Variants in PRR16 observed in about 807,000 individuals in gnomAD.
PRR16 encodes protein Largen.
In PRR16, 6 loss-of-function variants were observed where a neutral mutation model predicts 18.2. The observed-to-expected ratio is 0.33, with a 90% CI of 0.18 to 0.65. The LOEUF is 0.65. Among genes scored for constraint, PRR16 ranks in the 30% least tolerant of loss-of-function variants. The pLI, the probability that PRR16 is intolerant of heterozygous loss-of-function variation, is 0.74. For synonymous variants in PRR16, 151 were observed against 147.8 expected, an observed-to-expected ratio of 1.02 and a Z score of -0.16; for missense variants, 412 against 376.6, an observed-to-expected ratio of 1.09 and a Z score of -0.78.
chr5:120,642,462 C>T lies in PRR16; in HGVS notation c.160-43492C>T, dbSNP rs547402216. ...TCTTGCTGGATAACACAAGGTACCTCAGTGCATCTGCAGGGAAGAACAGAA... is the reference window on the plus strand; with the variant it reads ...TCTTGCTGGATAACACAAGGTACCTTAGTGCATCTGCAGGGAAGAACAGAA... On this transcript the variant is annotated intron_variant, in intron 1 of 1. Coordinates refer to ENST00000407149, the MANE Select transcript of PRR16 (RefSeq NM_001300783.2). Among the ~76,000 whole-genome samples, 5 of 152,006 alleles carry T rather than the reference C, an allele frequency of 3.3e-5. No individual in the cohort carries two copies. The East Asian group carries it at 9.7e-4, about 29-fold the overall frequency.
At chr5:120,641,542 T>C (rs1188602645) in intron 1 of PRR16, among the ~76,000 whole-genome samples, 1 of 152,088 alleles carries the variant, frequency 6.6e-6, no homozygotes, top group Non-Finnish European at 1.5e-5. Context: ...CACACTGCCC[T>C]GCATGAAGTG....
intron 1 of PRR16, among the ~76,000 whole-genome samples, chr5:120,614,594 G>A (rs1754445662): frequency 6.6e-6 from 1 of 152,164 alleles, no homozygotes; most frequent in East Asian, 1.9e-4. Context: ...GATTAGCCTT[G>A]TCTGAGACTG....
intron 1 of PRR16, among the ~76,000 whole-genome samples, chr5:120,523,115 G>C (rs1302768580): frequency 7.0e-6 from 1 of 143,394 alleles, no homozygotes; most frequent in African/African-American, 2.7e-5. Context: ...TAACTGGAAT[G>C]ATTTGCTTTT....
At chr5:120,776,801 G>C in the PRR16 span, among the ~76,000 whole-genome samples, 1 of 149,126 alleles carries the variant, frequency 6.7e-6, no homozygotes, top group Admixed American at 6.7e-5. Flanking sequence ...ATAATGAATT[G>C]TAAAATACAT....
At chr5:120,636,863 T>C (rs1755244428) in intron 1 of PRR16, among the ~76,000 whole-genome samples, 1 of 150,934 alleles carries the variant, frequency 6.6e-6, no homozygotes. Context: ...ACCCACAGAG[T>C]GAGAGAAAAA....
intron 1 of PRR16, among the ~76,000 whole-genome samples, chr5:120,684,366 G>A (rs1221809896): frequency 6.6e-6 from 1 of 152,108 alleles, no homozygotes; most frequent in African/African-American, 2.4e-5. Flanking sequence ...TCTATATCCT[G>A]TCCAACGTCT....
the PRR16 span, among the ~76,000 whole-genome samples, chr5:120,778,318 A>T: frequency 6.6e-6 from 1 of 152,178 alleles, no homozygotes; most frequent in Non-Finnish European, 1.5e-5. Context: ...GATTTTATTA[A>T]TGTTGCACTT....
At chr5:120,785,852 A>C in the PRR16 span, among the ~76,000 whole-genome samples, 4 of 151,358 alleles carry the variant, frequency 2.6e-5, no homozygotes, top group African/African-American at 9.7e-5. Flanking sequence ...TACAGATGTG[A>C]GCTACCGCGC....
chr5:120,737,622 C>G, the PRR16 span, among the ~76,000 whole-genome samples: 9 of 150,362 alleles, frequency 6.0e-5, no homozygotes, highest in African/African-American at 1.9e-4. Context: ...ACTGCTCCCT[C>G]TCTTAGTTTT....
intron 1 of PRR16, among the ~76,000 whole-genome samples, chr5:120,522,806 C>A (rs1751229213): frequency 6.6e-6 from 1 of 151,984 alleles, no homozygotes; most frequent in Non-Finnish European, 1.5e-5. Flanking sequence ...TTAGTAGAGG[C>A]AGGGTTTCAC....
At chr5:120,740,771 A>G in the PRR16 span, among the ~76,000 whole-genome samples, 1 of 152,192 alleles carries the variant, frequency 6.6e-6, no homozygotes, top group Non-Finnish European at 1.5e-5. Flanking sequence ...TACCTTGAAC[A>G]TTTAGATTAA....
At chr5:120,656,560 T>C (rs1755985366) in intron 1 of PRR16, among the ~76,000 whole-genome samples, 1 of 150,870 alleles carries the variant, frequency 6.6e-6, no homozygotes, top group East Asian at 1.9e-4. Flanking sequence ...ATATCTAAAA[T>C]CCAGTATAAT....
intron 1 of PRR16, among the ~76,000 whole-genome samples, chr5:120,646,604 A>G (rs1222826500): frequency 1.3e-5 from 2 of 151,988 alleles, no homozygotes; most frequent in Non-Finnish European, 2.9e-5. Flanking sequence ...TCAGAGTTGG[A>G]TGGTGATTGA....
At chr5:120,565,630 C>G (rs1752712510) in intron 1 of PRR16, among the ~76,000 whole-genome samples, 1 of 152,162 alleles carries the variant, frequency 6.6e-6, no homozygotes, top group African/African-American at 2.4e-5. Flanking sequence ...AGATCTCTAG[C>G]AAATCTCTAC....
chr5:120,645,337 TACAC>T (rs111616442), intron 1 of PRR16, among the ~76,000 whole-genome samples: 5 of 149,770 alleles, frequency 3.3e-5, no homozygotes, highest in Admixed American at 6.7e-5. Context: ...GACACATGCA[TACAC>T]ACACACACAC....
chr5:120,488,306 A>G (rs1333770089), intron 1 of PRR16, among the ~76,000 whole-genome samples: 1 of 152,142 alleles, frequency 6.6e-6, no homozygotes, highest in Admixed American at 6.5e-5. Context: ...TAAGCTATTA[A>G]TTATTATCTC....
intron 1 of PRR16, among the ~76,000 whole-genome samples, chr5:120,504,104 A>C (rs1580658820): frequency 1.3e-5 from 2 of 151,778 alleles, no homozygotes; most frequent in East Asian, 1.9e-4. Context: ...TACATGTGCC[A>C]TGCTGGTGTG....
intron 1 of PRR16, among the ~76,000 whole-genome samples, chr5:120,581,689 G>T (rs1268243463): frequency 1.3e-5 from 2 of 152,012 alleles, no homozygotes; most frequent in Non-Finnish European, 2.9e-5. Flanking sequence ...CACTGCTTTA[G>T]CTGAGTCCCA....
chr5:120,641,998 C>T (rs1227945082), intron 1 of PRR16, among the ~76,000 whole-genome samples: 1 of 152,092 alleles, frequency 6.6e-6, no homozygotes, highest in Admixed American at 6.6e-5. Flanking sequence ...GCCAGAAATT[C>T]AGGTGCCTTC....
Sources: gnomAD v4.1 joint callset for allele counts (sites outside exome capture counted in the v4.1 genomes callset) on GRCh38, gnomAD v4.1.1 for gene constraint, MANE v1.5 for transcripts, NCBI Gene and HGNC (gene_info 2026-07-23, HGNC 2026-07-21) for gene names.